The following BABAM2 variants were observed in gnomAD, a reference collection of about 807,000 sequenced individuals.
The protein encoded by BABAM2 is BRISC and BRCA1-A complex member 2.
A neutral mutation model predicts 54.7 loss-of-function variants in BABAM2; 31 were observed. The observed-to-expected ratio is 0.57, with a 90% CI of 0.43 to 0.77. The LOEUF is 0.77. BABAM2 is among the 30% of genes least tolerant of loss of function. The probability of loss-of-function intolerance (pLI) is 0.00; values close to 1 mark genes in which losing one functional copy is unlikely to be tolerated. For synonymous variants in BABAM2, 167 were observed against 162.9 expected, an observed-to-expected ratio of 1.03 and a Z score of -0.19; for missense variants, 364 against 455.8, an observed-to-expected ratio of 0.80 and a Z score of 1.83.
intron 7 of BABAM2, among the ~76,000 whole-genome samples, chr2:28,135,651 C>T (rs1480054058): frequency 6.6e-6 from 1 of 152,156 alleles, no homozygotes; most frequent in East Asian, 1.9e-4. Flanking sequence ...CCCCAATAAG[C>T]TAATGTTTCT....
At chr2:28,179,393 CTAAA>C (rs1675374815) in intron 7 of BABAM2, among the ~76,000 whole-genome samples, 1 of 152,172 alleles carries the variant, frequency 6.6e-6, no homozygotes, top group Non-Finnish European at 1.5e-5. Flanking sequence ...ATATCATTCT[CTAAA>C]TAGATGCAGA....
At chr2:28,291,319 A>G (rs1687263831) in intron 10 of BABAM2, among the ~76,000 whole-genome samples, 2 of 152,216 alleles carry the variant, frequency 1.3e-5, no homozygotes, top group African/African-American at 2.4e-5. Context: ...TAAGCCGGGC[A>G]TAGTGGTTCA....
chr2:28,238,745 A>G (rs1459673311), intron 8 of BABAM2, among the ~76,000 whole-genome samples: 1 of 152,188 alleles, frequency 6.6e-6, no homozygotes, highest in Non-Finnish European at 1.5e-5. Flanking sequence ...TCCCAGAATT[A>G]TAGAGAAACA....
intron 2 of BABAM2, among the ~76,000 whole-genome samples, chr2:27,921,653 A>C (rs1667355860): frequency 6.6e-6 from 1 of 152,182 alleles, no homozygotes. Flanking sequence ...CTATCTTGGA[A>C]GGTTGCTGTA....
chr2:28,319,180 G>A (rs1689813423), intron 11 of BABAM2, among the ~76,000 whole-genome samples: 1 of 152,214 alleles, frequency 6.6e-6, no homozygotes, highest in South Asian at 2.1e-4. Context: ...CCATGCCCAT[G>A]TTAGTGCACC....
intron 3 of BABAM2, among the ~76,000 whole-genome samples, chr2:27,942,844 G>C (rs894842515): frequency 7.1e-6 from 1 of 140,848 alleles, no homozygotes; most frequent in African/African-American, 2.7e-5. Flanking sequence ...ACAGGGTCTT[G>C]CTTTGTGGCC....
chr2:28,260,143 G>A (rs1028703090), intron 10 of BABAM2, among the ~76,000 whole-genome samples: 7 of 151,454 alleles, frequency 4.6e-5, no homozygotes, highest in Admixed American at 3.3e-4. Flanking sequence ...TGATCCACCC[G>A]CCTCGGCCTC....
chr2:28,146,525 C>CA (rs1174754057), intron 7 of BABAM2, among the ~76,000 whole-genome samples: 11 of 151,932 alleles, frequency 7.2e-5, no homozygotes, highest in Non-Finnish European at 1.5e-4. Flanking sequence ...AAGAAAATGG[C>CA]AAAAAATCTG....
At chr2:28,002,193 A>T (rs958835966) in intron 4 of BABAM2, among the ~76,000 whole-genome samples, 3 of 152,142 alleles carry the variant, frequency 2.0e-5, no homozygotes, top group African/African-American at 7.2e-5. Flanking sequence ...GCTCACGCTG[A>T]TATTACTCTT....
chr2:27,900,639 G>A (rs558959558), intron 2 of BABAM2, among the ~76,000 whole-genome samples: 1 of 152,206 alleles, frequency 6.6e-6, no homozygotes, highest in East Asian at 1.9e-4. Context: ...GTATCAGAGT[G>A]GTTTGTTCTT....
rs530946869 is a variant in BABAM2 at position 28,203,350 on chromosome 2, A to G, written c.681-33852A>G. On this transcript the variant is annotated intron_variant, in intron 7 of 11. Coordinates refer to ENST00000379624, the MANE Select transcript of BABAM2 (RefSeq NM_199191.3). ...TTATTCCATTTAGCTACATATGTCA[A>G]TCATGAATTTTTGGAAGACCCTCAT... Among the ~76,000 whole-genome samples, 7 of 152,310 alleles carry G rather than the reference A, an allele frequency of 4.6e-5. No individual in the cohort carries two copies. The South Asian group carries it at 1.2e-3, about 27-fold the overall frequency.
intron 6 of BABAM2, among the ~76,000 whole-genome samples, chr2:28,063,535 G>A (rs1465556515): frequency 6.6e-6 from 1 of 152,022 alleles, no homozygotes; most frequent in Non-Finnish European, 1.5e-5. Context: ...CACATTCTAG[G>A]TACTCAGTAA....
chr2:28,029,335 C>T (rs2148577546), intron 5 of BABAM2, among the ~76,000 whole-genome samples: 1 of 152,242 alleles, frequency 6.6e-6, no homozygotes, highest in African/African-American at 2.4e-5. Context: ...TTTCATCTTG[C>T]AAAGGAAGCC....
At position 28,322,661 on chromosome 2, in the gene BABAM2, G is replaced by A. The variant is rs1312801615; in HGVS notation, c.1089-15789G>A. ...GGCAGGACAAGCAGTCATGGGCTGT[G>A]GTTGGCGGCCGCAGGCCCCGATGCT... On this transcript the variant is annotated intron_variant, in intron 11 of 11. Transcript: ENST00000379624. The surrounding 1 kb of genome is among the most constrained non-coding windows in gnomAD (Gnocchi z 4.1). Among the ~76,000 whole-genome samples the A allele has an allele frequency of 2.6e-5, 4 of 152,246 alleles. No homozygotes were observed. The highest frequency in any genetic ancestry group is 4.4e-5 in the Non-Finnish European group (3 of 68,034).
intron 7 of BABAM2, among the ~76,000 whole-genome samples, chr2:28,209,734 C>T (rs1290628637): frequency 6.6e-6 from 1 of 152,034 alleles, no homozygotes; most frequent in Non-Finnish European, 1.5e-5. Context: ...ATTTGGCCTG[C>T]AGTTAGTTTC....
chr2:27,923,102 C>A (rs974259370), intron 2 of BABAM2, among the ~76,000 whole-genome samples: 1 of 152,136 alleles, frequency 6.6e-6, no homozygotes, highest in African/African-American at 2.4e-5. Flanking sequence ...CAAATTCCGA[C>A]CCAAAGAAAC....
chr2:28,274,534 C>T (rs1349236791), intron 10 of BABAM2, among the ~76,000 whole-genome samples: 1 of 152,130 alleles, frequency 6.6e-6, no homozygotes, highest in Non-Finnish European at 1.5e-5. Context: ...CTCAGGCAAT[C>T]CTCCCACCTC....
At chr2:28,101,141 C>T (rs1234795139) in intron 6 of BABAM2, among the ~76,000 whole-genome samples, 1 of 152,176 alleles carries the variant, frequency 6.6e-6, no homozygotes, top group Admixed American at 6.5e-5. Context: ...GAAATAGACT[C>T]ATCCAGGTTT....
At chr2:28,207,435 C>T (rs930542651) in intron 7 of BABAM2, among the ~76,000 whole-genome samples, 1 of 151,896 alleles carries the variant, frequency 6.6e-6, no homozygotes, top group Non-Finnish European at 1.5e-5. Context: ...ATGGCGTGCA[C>T]CTATAGTCCC....
Sources: allele counts gnomAD v4.1 joint callset (sites outside exome capture counted in the v4.1 genomes callset), GRCh38; gene constraint gnomAD v4.1.1; non-coding constraint Gnocchi (gnomAD v3.1); transcripts MANE v1.5; gene names NCBI Gene and HGNC (gene_info 2026-07-23, HGNC 2026-07-21).